AGBL1: variants seen among roughly 807,000 people sequenced by gnomAD.
AGBL1 encodes AGBL carboxypeptidase 1.
AGBL1 carries 130 observed loss-of-function variants against 118.9 expected under a neutral mutation model. The observed-to-expected ratio is 1.09, with a 90% CI of 0.95 to 1.26. The LOEUF is 1.26. Ranked by LOEUF, AGBL1 falls within the 50% of genes most tolerant of loss-of-function variation. The probability of loss-of-function intolerance (pLI) is 0.00; values close to 1 mark genes in which losing one functional copy is unlikely to be tolerated. For synonymous variants in AGBL1, 555 were observed against 478.9 expected, an observed-to-expected ratio of 1.16 and a Z score of -2.08; for missense variants, 1,584 against 1,298.1, an observed-to-expected ratio of 1.22 and a Z score of -3.38.
intron 22 of AGBL1, among the ~76,000 whole-genome samples, chr15:86,788,508 A>G (rs2078446493): frequency 6.6e-6 from 1 of 152,192 alleles, no homozygotes; most frequent in South Asian, 2.1e-4. Context: ...CTTCATTTGT[A>G]AAATACTTAT....
At chr15:86,536,237 A>AT (rs1213279164) in intron 19 of AGBL1, among the ~76,000 whole-genome samples, 3 of 152,298 alleles carry the variant, frequency 2.0e-5, no homozygotes, top group East Asian at 1.9e-4. Flanking sequence ...AGCAAAGGGC[A>AT]TTTTTTCTCT....
At chr15:86,479,958 C>G (rs2082627059) in intron 18 of AGBL1, among the ~76,000 whole-genome samples, 1 of 152,080 alleles carries the variant, frequency 6.6e-6, no homozygotes, top group Non-Finnish European at 1.5e-5. Flanking sequence ...AGCTGGAAAC[C>G]ATCATTCTCA....
At chr15:86,350,208 G>C (rs1386520466) in intron 17 of AGBL1, among the ~76,000 whole-genome samples, 2 of 152,228 alleles carry the variant, frequency 1.3e-5, no homozygotes, top group East Asian at 3.9e-4. Context: ...TTAATTTTTA[G>C]GACAACCTTA....
At chr15:86,638,410 A>G (rs2085136528) in intron 21 of AGBL1, among the ~76,000 whole-genome samples, 1 of 152,180 alleles carries the variant, frequency 6.6e-6, no homozygotes, top group African/African-American at 2.4e-5. Flanking sequence ...CACCTGGTCC[A>G]TTTCAAGACC....
At chr15:86,435,555 T>C (rs2081991815) in intron 18 of AGBL1, among the ~76,000 whole-genome samples, 1 of 152,186 alleles carries the variant, frequency 6.6e-6, no homozygotes, top group Non-Finnish European at 1.5e-5. Context: ...TCAAGCCAAA[T>C]TAGAGATTTA....
intron 22 of AGBL1, among the ~76,000 whole-genome samples, chr15:86,688,536 C>T (rs1389060158): frequency 1.3e-5 from 2 of 152,076 alleles, no homozygotes; most frequent in African/African-American, 2.4e-5. Flanking sequence ...GGTATAGTCT[C>T]CCGAATATAC....
rs1479781735 is a variant in AGBL1 at position 86,826,353 on chromosome 15, C to A, written c.3159-80734C>A. 2.6e-5 allele frequency among the ~76,000 whole-genome samples: 4 copies of A among 151,936 alleles called. No individual in the cohort carries two copies. The East Asian group carries it at 7.7e-4, about 29-fold the overall frequency. ...AGTCCGAGGGATGCAGTGTCTGCCACCTGAAGAATATTGAGAATGAAGTCA... is the reference window on the plus strand; with the variant it reads ...AGTCCGAGGGATGCAGTGTCTGCCAACTGAAGAATATTGAGAATGAAGTCA... On this transcript the variant is annotated intron_variant, in intron 22 of 22. Transcript: ENST00000614907.
intron 22 of AGBL1, among the ~76,000 whole-genome samples, chr15:86,724,041 C>T (rs1335932598): frequency 2.0e-5 from 3 of 152,020 alleles, no homozygotes; most frequent in Non-Finnish European, 4.4e-5. Flanking sequence ...CGAGACCATC[C>T]TGGCTAACAT....
chr15:86,788,187 G>A (rs2078442025), intron 22 of AGBL1, among the ~76,000 whole-genome samples: 1 of 152,192 alleles, frequency 6.6e-6, no homozygotes, highest in Non-Finnish European at 1.5e-5. Context: ...GCCCTTGGAA[G>A]GACTTAGATG....
chr15:86,526,772 C>T (rs551833832), intron 19 of AGBL1, among the ~76,000 whole-genome samples: 1 of 151,880 alleles, frequency 6.6e-6, no homozygotes, highest in East Asian at 1.9e-4. Flanking sequence ...AATGAAATAT[C>T]ACATGTTCTC....
At chr15:86,626,688 G>A (rs1231431679) in intron 21 of AGBL1, among the ~76,000 whole-genome samples, 1 of 152,016 alleles carries the variant, frequency 6.6e-6, no homozygotes, top group African/African-American at 2.4e-5. Flanking sequence ...GGTTACATTT[G>A]GAGAACAGTG....
intron 22 of AGBL1, among the ~76,000 whole-genome samples, chr15:86,775,800 T>A (rs1305667777): frequency 6.6e-6 from 1 of 152,094 alleles, no homozygotes; most frequent in African/African-American, 2.4e-5. Context: ...ATAAAAACAT[T>A]TAGAAAATAT....
At chr15:86,707,856 A>G (rs1450271338) in intron 22 of AGBL1, among the ~76,000 whole-genome samples, 4 of 152,066 alleles carry the variant, frequency 2.6e-5, no homozygotes, top group African/African-American at 7.2e-5. Context: ...ATGTTAACCA[A>G]TCTTTAAAGG....
At chr15:86,693,013 A>G (rs751187597) in intron 22 of AGBL1, among the ~76,000 whole-genome samples, 1 of 152,030 alleles carries the variant, frequency 6.6e-6, no homozygotes, top group Non-Finnish European at 1.5e-5. Context: ...TTGTTGATTG[A>G]TAGGCTTTTG....
intron 17 of AGBL1, among the ~76,000 whole-genome samples, chr15:86,356,360 G>A (rs1332022838): frequency 2.6e-5 from 4 of 152,010 alleles, no homozygotes; most frequent in Non-Finnish European, 5.9e-5. Context: ...GTGTGTGCGC[G>A]TGCGCCCGCA....
intron 21 of AGBL1, among the ~76,000 whole-genome samples, chr15:86,667,189 A>T (rs1238353984): frequency 6.6e-6 from 1 of 151,884 alleles, no homozygotes; most frequent in African/African-American, 2.4e-5. Flanking sequence ...AAATTTTTTT[A>T]AAATTGAGAT....
chr15:86,116,951 CTT>C (rs35297740), intron 1 of AGBL1, among the ~76,000 whole-genome samples: 3,536 of 139,642 alleles, frequency 0.025, 160 homozygotes, highest in African/African-American at 0.086. Flanking sequence ...CTTTTCTTTT[CTT>C]TTTTTTTTTT....
At chr15:86,773,523 C>T (rs2078210743) in intron 22 of AGBL1, among the ~76,000 whole-genome samples, 1 of 124,908 alleles carries the variant, frequency 8.0e-6, no homozygotes, top group South Asian at 3.0e-4. Flanking sequence ...CCACAACAGG[C>T]CCTGGTGTGT....
At chr15:86,812,108 G>A (rs139983872) in intron 22 of AGBL1, among the ~76,000 whole-genome samples, 1 of 152,162 alleles carries the variant, frequency 6.6e-6, no homozygotes, top group Non-Finnish European at 1.5e-5. Flanking sequence ...AAGACAAAAG[G>A]TCTCCTGATA....
Sources: gnomAD v4.1 joint callset for allele counts (sites outside exome capture counted in the v4.1 genomes callset) on GRCh38, gnomAD v4.1.1 for gene constraint, MANE v1.5 for transcripts, NCBI Gene and HGNC (gene_info 2026-07-23, HGNC 2026-07-21) for gene names.